Variants in NTM observed in about 807,000 individuals in gnomAD.
NTM encodes IgLON family member 2.
A neutral mutation model predicts 42.1 loss-of-function variants in NTM; 13 were observed. The observed-to-expected ratio is 0.31, with a 90% CI of 0.20 to 0.49. NTM has a LOEUF of 0.49. NTM is among the 20% of genes least tolerant of loss of function. NTM has a pLI of 0.99. For synonymous variants in NTM, 187 were observed against 179.2 expected (o/e 1.04, Z -0.35); for missense variants, 373 against 452.8 (o/e 0.82, Z 1.60).
chr11:132,316,161 T>C (rs1205799134), intron 7 of NTM, among the ~76,000 whole-genome samples: 1 of 146,976 alleles, frequency 6.8e-6, no homozygotes, highest in East Asian at 2.1e-4. Context: ...CTTGGTTGCA[T>C]GAAATGGTTC....
chr11:131,816,173 T>C (rs1369954351), intron 1 of NTM, among the ~76,000 whole-genome samples: 1 of 152,092 alleles, frequency 6.6e-6, no homozygotes, highest in African/African-American at 2.4e-5. Context: ...CGGAAGAGGA[T>C]TTGTTCTGGA....
chr11:132,293,404 A>G (rs2140029968), intron 4 of NTM, among the ~76,000 whole-genome samples: 1 of 152,240 alleles, frequency 6.6e-6, no homozygotes, highest in Middle Eastern at 3.4e-3. Context: ...TGAGTATGAG[A>G]GTGAGGTGGA....
At chr11:131,789,391 T>C (rs182246128) in intron 1 of NTM, among the ~76,000 whole-genome samples, 12 of 127,984 alleles carry the variant, frequency 9.4e-5, no homozygotes, top group African/African-American at 2.9e-4. Flanking sequence ...TAAGGGGAGC[T>C]CAGAAGTATT....
At chr11:132,242,482 G>A (rs1407056252) in intron 4 of NTM, among the ~76,000 whole-genome samples, 1 of 152,232 alleles carries the variant, frequency 6.6e-6, no homozygotes, top group Non-Finnish European at 1.5e-5. Flanking sequence ...AAAGAAAGAA[G>A]AGGTGTCATT....
At chr11:132,129,400 T>TC (rs1399208600) in intron 2 of NTM, among the ~76,000 whole-genome samples, 4 of 152,192 alleles carry the variant, frequency 2.6e-5, no homozygotes, top group Non-Finnish European at 4.4e-5. Context: ...AGCAAACAGA[T>TC]CCCAGGAGCC....
chr11:131,376,901 G>A (rs979403172), intron 1 of NTM, among the ~76,000 whole-genome samples: 1 of 152,090 alleles, frequency 6.6e-6, no homozygotes, highest in Admixed American at 6.5e-5. Context: ...TGTCTACTAC[G>A]TTCGGTGCAC....
intron 2 of NTM, among the ~76,000 whole-genome samples, chr11:132,044,893 C>T (rs1025382373): frequency 2.0e-5 from 3 of 151,938 alleles, no homozygotes; most frequent in African/African-American, 7.3e-5. Flanking sequence ...AATAAATAGC[C>T]TACCGACCAA....
At chr11:131,967,866 A>G (rs1593254402) in intron 2 of NTM, among the ~76,000 whole-genome samples, 1 of 152,136 alleles carries the variant, frequency 6.6e-6, no homozygotes, top group Admixed American at 6.5e-5. Flanking sequence ...TGCTTTTCTC[A>G]TTAACTGGTC....
chr11:132,037,927 G>A (rs926191661), intron 2 of NTM, among the ~76,000 whole-genome samples: 28 of 152,164 alleles, frequency 1.8e-4, no homozygotes, highest in Admixed American at 6.5e-5. Flanking sequence ...CTCCATGTCC[G>A]TGCACACAAA....
chr11:131,722,379 G>A (rs894136472), intron 1 of NTM, among the ~76,000 whole-genome samples: 3 of 152,180 alleles, frequency 2.0e-5, no homozygotes, highest in South Asian at 4.1e-4. Context: ...TTGCCTGACG[G>A]CCAAAAGGCA....
intron 1 of NTM, among the ~76,000 whole-genome samples, chr11:131,441,548 A>G (rs919013220): frequency 6.6e-6 from 1 of 152,212 alleles, no homozygotes; most frequent in Non-Finnish European, 1.5e-5. Context: ...TCAACTAACA[A>G]GATAAGTGCC....
intron 3 of NTM, among the ~76,000 whole-genome samples, chr11:132,163,372 G>C (rs2074723627): frequency 6.6e-6 from 1 of 152,168 alleles, no homozygotes; most frequent in African/African-American, 2.4e-5. Context: ...GGCAACTGTA[G>C]GAAAACAGTA....
In NTM at chr11:131,878,590, AAAAAATATATATATATATATATAT is replaced by A. The variant is rs1327033140; in HGVS notation, c.83-32972_83-32949del. Reference sequence around the variant, plus strand: ...ATCTCAAAAAAAAAAAAAAAAAAAAAAAAAATATATATATATATATATATATATATATATATATATATATATATA... The same window carrying A: ...ATCTCAAAAAAAAAAAAAAAAAAAAAATATATATATATATATATATATATA... On this transcript the variant is annotated intron_variant, in intron 1 of 8. Transcript: ENST00000683400. Among the ~76,000 whole-genome samples, 13 of 31,460 alleles carry A rather than the reference AAAAAATATATATATATATATATAT, an allele frequency of 4.1e-4. 3 individuals carry two copies. The highest frequency in any genetic ancestry group is 3.4e-3 in the East Asian group (2 of 590). 20.6% of individuals were successfully genotyped at this position (31,460 alleles called of 152,430 possible). A position where few individuals can be genotyped will look rare whatever the true frequency, so the allele number is the denominator to read the frequency against.
At chr11:132,085,955 G>A (rs988834617) in intron 2 of NTM, among the ~76,000 whole-genome samples, 4 of 152,152 alleles carry the variant, frequency 2.6e-5, no homozygotes, top group Admixed American at 2.0e-4. Flanking sequence ...TGGAATCCAC[G>A]GTGCCTTTTC....
At chr11:131,618,097 C>G (rs1323836241) in intron 1 of NTM, among the ~76,000 whole-genome samples, 1 of 152,196 alleles carries the variant, frequency 6.6e-6, no homozygotes. Flanking sequence ...CATTTGCAAG[C>G]TGTGCATTTC....
chr11:131,929,449 GTTTT>G (rs71067347), intron 2 of NTM, among the ~76,000 whole-genome samples: 144 of 148,194 alleles, frequency 9.7e-4, no homozygotes, highest in East Asian at 1.8e-3. Flanking sequence ...CATGTTAGCA[GTTTT>G]TTTTTTTTAA....
intron 1 of NTM, among the ~76,000 whole-genome samples, chr11:131,422,043 T>G (rs553570988): frequency 1.3e-5 from 2 of 152,290 alleles, no homozygotes; most frequent in Admixed American, 1.3e-4. Context: ...GTTTGCAAGT[T>G]CAAATCTGAG....
At chr11:132,310,080 G>T (rs1565445916) in intron 5 of NTM, 32 bp from the exon 6 acceptor site, 1 of 1,551,134 alleles carries the variant, frequency 6.4e-7, no homozygotes. Flanking sequence ...AAAAAGGTGG[G>T]GGGGCGGCTA....
chr11:132,036,094 C>T (rs1484971596), intron 2 of NTM, among the ~76,000 whole-genome samples: 4 of 152,222 alleles, frequency 2.6e-5, no homozygotes, highest in African/African-American at 9.6e-5. Flanking sequence ...GATCTCTTAT[C>T]CTGTTCTACT....
Sources: allele counts gnomAD v4.1 joint callset (sites outside exome capture counted in the v4.1 genomes callset), GRCh38; gene constraint gnomAD v4.1.1; transcripts MANE v1.5; gene names NCBI Gene and HGNC (gene_info 2026-07-23, HGNC 2026-07-21).